Variants in CSMD1 observed in about 807,000 individuals in gnomAD.
CSMD1 encodes the protein CUB and sushi domain-containing protein 1.
Under a neutral mutation model 417.5 loss-of-function variants are expected in CSMD1, and 213 were observed. The ratio of observed to expected loss-of-function variants is 0.51; its 90% CI spans 0.46 to 0.57. CSMD1 has a LOEUF of 0.57. CSMD1 is among the 20% of genes least tolerant of loss of function. CSMD1 has a pLI of 0.00. For synonymous variants in CSMD1, 2,862 were observed against 1,736.8 expected (o/e 1.65, Z -16.11); for missense variants, 6,923 against 4,529.7 (o/e 1.53, Z -15.17).
chr8:3,404,022 A>G (rs1425418175), intron 15 of CSMD1, among the ~76,000 whole-genome samples: 1 of 152,202 alleles, frequency 6.6e-6, no homozygotes, highest in Non-Finnish European at 1.5e-5. Context: ...TTAACAATGT[A>G]TGAAAAGGGT....
intron 2 of CSMD1, among the ~76,000 whole-genome samples, chr8:4,618,956 T>C: frequency 6.6e-6 from 1 of 152,290 alleles, no homozygotes; most frequent in Middle Eastern, 3.4e-3. Context: ...ATTTTATTTC[T>C]AGTAAACATA....
rs184760204 is a variant in CSMD1 at position 4,248,762 on chromosome 8, G to T, written c.415+171191C>A. Among the ~76,000 whole-genome samples the T allele has an allele frequency of 1.1e-3, 166 of 152,054 alleles. 3 individuals are homozygous for T. Among genetic ancestry groups the T allele is most frequent in the Middle Eastern group, 3.4e-3 (1 of 294 alleles). On this transcript the variant is annotated intron_variant, in intron 3 of 69. Transcript: ENST00000635120. Reference sequence around the variant, plus strand: ...TGACATTACATTACACTTATTAAGCGCATGGTTTACTGTCAGTTTTCCTCC... The same window carrying T: ...TGACATTACATTACACTTATTAAGCTCATGGTTTACTGTCAGTTTTCCTCC...
chr8:4,112,236 C>T (rs1483871835), intron 3 of CSMD1, among the ~76,000 whole-genome samples: 1 of 152,070 alleles, frequency 6.6e-6, no homozygotes, highest in South Asian at 2.1e-4. Context: ...TGAAGCTCAC[C>T]TCCTGAGGTT....
intron 2 of CSMD1, among the ~76,000 whole-genome samples, chr8:4,542,569 C>T (rs1797440212): frequency 6.6e-6 from 1 of 152,082 alleles, no homozygotes; most frequent in South Asian, 2.1e-4. Context: ...CATTTTTGCC[C>T]AGTATTTTAT....
intron 12 of CSMD1, among the ~76,000 whole-genome samples, chr8:3,412,969 T>C (rs73657855): frequency 0.099 from 15,079 of 152,092 alleles, 925 homozygotes; most frequent in East Asian, 0.25. Context: ...CACAAATCTG[T>C]GCAGTCAGGA....
At chr8:3,374,818 T>C (rs899933374) in intron 18 of CSMD1, among the ~76,000 whole-genome samples, 22 of 152,132 alleles carry the variant, frequency 1.4e-4, no homozygotes, top group African/African-American at 5.3e-4. Context: ...TTATTTATTG[T>C]CTTCCCACCA....
intron 5 of CSMD1, among the ~76,000 whole-genome samples, chr8:3,931,285 G>C (rs962857841): frequency 1.3e-5 from 2 of 150,346 alleles, no homozygotes; most frequent in Non-Finnish European, 3.0e-5. Context: ...TTAATAAATG[G>C]TATTGTGAAA....
chr8:4,167,405 G>C (rs868038411), intron 3 of CSMD1, among the ~76,000 whole-genome samples: 11 of 152,140 alleles, frequency 7.2e-5, no homozygotes, highest in South Asian at 2.1e-4. Context: ...ATAGGCTAAA[G>C]TGTTCATGTA....
intron 49 of CSMD1, among the ~76,000 whole-genome samples, chr8:3,070,104 G>A (rs1465788590): frequency 1.3e-5 from 2 of 152,196 alleles, no homozygotes; most frequent in African/African-American, 4.8e-5. Flanking sequence ...GGGCCGTAGG[G>A]CCCTGGGCCT....
intron 3 of CSMD1, among the ~76,000 whole-genome samples, chr8:4,292,319 C>T (rs1242763937): frequency 6.6e-6 from 1 of 152,162 alleles, no homozygotes; most frequent in African/African-American, 2.4e-5. Context: ...GTGTCGCGAC[C>T]TGGGCTCACT....
chr8:4,082,822 T>C (rs2009181261), intron 3 of CSMD1, among the ~76,000 whole-genome samples: 1 of 137,470 alleles, frequency 7.3e-6, no homozygotes, highest in South Asian at 2.4e-4. Flanking sequence ...TGTCCATGCA[T>C]TCTCATTATT....
intron 4 of CSMD1, among the ~76,000 whole-genome samples, chr8:4,008,214 G>C (rs193062599): frequency 6.6e-5 from 10 of 151,950 alleles, no homozygotes; most frequent in Non-Finnish European, 1.3e-4. Context: ...ATTAGTTCAA[G>C]TTCCATCAAG....
intron 3 of CSMD1, among the ~76,000 whole-genome samples, chr8:4,246,048 T>A (rs1320535885): frequency 2.0e-5 from 3 of 152,164 alleles, no homozygotes; most frequent in African/African-American, 7.2e-5. Flanking sequence ...ACTTTTAAGT[T>A]TAGTGGTAGA....
At chr8:4,172,075 G>A (rs1006330908) in intron 3 of CSMD1, among the ~76,000 whole-genome samples, 2 of 152,124 alleles carry the variant, frequency 1.3e-5, no homozygotes, top group South Asian at 2.1e-4. Context: ...CTCTTTCTCA[G>A]GGGAAGGCGT....
rs150651508 is a variant in CSMD1 at position 3,967,140 on chromosome 8, A to G, written c.818+30763T>C. 4.9e-3 allele frequency among the ~76,000 whole-genome samples: 748 copies of G among 151,622 alleles called. 9 individuals are homozygous for G. Among genetic ancestry groups the G allele is most frequent in the African/African-American group, 0.017 (714 of 41,526 alleles). On this transcript the variant is annotated intron_variant, in intron 5 of 69. Transcript: ENST00000635120. ...AAACGGACTAATTTTGTCTATTTGC[A>G]TCTTTCTGCTACTTAAAATGTTTAT... is the stretch of plus-strand genomic sequence containing the variant.
At chr8:3,791,111 A>G (rs569830866) in intron 5 of CSMD1, among the ~76,000 whole-genome samples, 204 of 152,328 alleles carry the variant, frequency 1.3e-3, no homozygotes, top group African/African-American at 4.8e-3. Context: ...GGAACACTTT[A>G]TAACTTTTAA....
Position 3,047,627 on chromosome 8 carries a change from C to T in CSMD1, c.7660+4835G>A, listed in dbSNP as rs570784861. On this transcript the variant is annotated intron_variant, in intron 50 of 69. Coordinates refer to ENST00000635120, the MANE Select transcript of CSMD1 (RefSeq NM_033225.6). ...GGCACTTTGTTTGCTCCCGTCTTTT[C>T]GAAACTCTCTGCTTCTCCCTTCCTT... Among the ~76,000 whole-genome samples the T allele has an allele frequency of 3.3e-5, 5 of 152,302 alleles. No homozygotes were observed. In the South Asian group the frequency reaches 6.2e-4, roughly 19 times the overall value.
intron 2 of CSMD1, among the ~76,000 whole-genome samples, chr8:4,539,275 G>C (rs1563268690): frequency 6.6e-6 from 1 of 152,186 alleles, no homozygotes; most frequent in African/African-American, 2.4e-5. Context: ...ATTTCTGGAA[G>C]ATAGTATGCA....
intron 1 of CSMD1, among the ~76,000 whole-genome samples, chr8:4,641,460 C>A (rs1299783434): frequency 6.6e-6 from 1 of 152,126 alleles, no homozygotes; most frequent in Non-Finnish European, 1.5e-5. Flanking sequence ...CTGTCTTATA[C>A]TGTTGGACTG....
Sources: gnomAD v4.1 joint callset for allele counts (sites outside exome capture counted in the v4.1 genomes callset) on GRCh38, gnomAD v4.1.1 for gene constraint, MANE v1.5 for transcripts, NCBI Gene and HGNC (gene_info 2026-07-23, HGNC 2026-07-21) for gene names.